FGF13: variants seen among roughly 807,000 people sequenced by gnomAD.
The protein encoded by FGF13 is fibroblast growth factor homologous factor 2.
FGF13 carries 2 observed loss-of-function variants against 19.5 expected under a neutral mutation model. That is an observed-to-expected ratio of 0.10 (90% CI 0.04 to 0.32). The LOEUF is 0.32. Ranked by LOEUF, FGF13 falls within the 10% of genes least tolerant of loss-of-function variation. The pLI, the probability that FGF13 is intolerant of heterozygous loss-of-function variation, is 1.00. For synonymous variants in FGF13, 72 were observed against 76.9 expected (o/e 0.94, Z 0.33); for missense variants, 113 against 192.7 (o/e 0.59, Z 2.45).
chrX:138,994,477 T>C (rs2092032904), intron 1 of FGF13, among the ~76,000 whole-genome samples: 1 of 111,936 alleles, frequency 8.9e-6, no homozygotes, highest in Admixed American at 9.5e-5. Flanking sequence ...GTAGACTTAA[T>C]TTCAAATTTA....
At position 138,772,016 on chromosome X, in the gene FGF13, GTGTATATATATATATATATA is replaced by G. The variant is rs1256823153; in HGVS notation, c.218-63108_218-63089del. 4.0e-4 allele frequency among the ~76,000 whole-genome samples: 14 copies of G among 34,977 alleles called. No individual in the cohort carries two copies. In the East Asian group the frequency reaches 0.014, roughly 35 times the overall value. 30.4% of individuals were successfully genotyped at this position (34,977 alleles called of 115,157 possible). On this transcript the variant is annotated intron_variant, in intron 3 of 6. Coordinates refer to the FGF13 transcript ENST00000436198. ...TAAAAGCAAATATTAAGATACATAT[GTGTATATATATATATATATA>G]TATATATATATATATATATATAGTA...
chrX:138,901,362 C>T (rs935063480), intron 1 of FGF13, among the ~76,000 whole-genome samples: 1 of 111,619 alleles, frequency 9.0e-6, no homozygotes, highest in Non-Finnish European at 1.9e-5. Flanking sequence ...AGTTCTGTCA[C>T]AGACCCTAAG....
chrX:138,948,550 T>G (rs1428867309), intron 1 of FGF13, among the ~76,000 whole-genome samples: 2 of 111,973 alleles, frequency 1.8e-5, no homozygotes, highest in Non-Finnish European at 3.8e-5. Context: ...TATAAGCATG[T>G]TCCAGTGTCA....
chrX:138,854,097 G>C (rs1442102443), downstream of FGF13, among the ~76,000 whole-genome samples: 2 of 111,641 alleles, frequency 1.8e-5, no homozygotes, highest in African/African-American at 3.3e-5. Flanking sequence ...AAAGATTTTG[G>C]TAATGATCTC....
At chrX:138,977,488 A>T (rs2091944245) in intron 1 of FGF13, among the ~76,000 whole-genome samples, 1 of 112,499 alleles carries the variant, frequency 8.9e-6, no homozygotes, top group African/African-American at 3.2e-5. Flanking sequence ...TAATGTGGGA[A>T]AAGGTTTCTT....
At chrX:138,867,394 G>A (rs1206818441) in intron 1 of FGF13, among the ~76,000 whole-genome samples, 3 of 111,018 alleles carry the variant, frequency 2.7e-5, no homozygotes, top group Non-Finnish European at 5.7e-5. Context: ...ACTCAAACCT[G>A]GGTGACAAAG....
At position 138,711,301 on chromosome X, in the gene FGF13, T is replaced by C; in HGVS notation, c.-298A>G. 1.1e-6 allele frequency: 1 copy of C among 904,554 alleles called. No individual in the cohort carries two copies. Among genetic ancestry groups the C allele is most frequent in the Non-Finnish European group, 1.4e-6 (1 of 735,931 alleles). 74.5% of individuals were successfully genotyped at this position (904,554 alleles called of 1,213,427 possible). ...CGAGACTGGCACGCGGATGCTGAAC[T>C]GCGCGACTGCGTGTGGTCGGCCCCT... On this transcript the variant is annotated 5_prime_UTR_variant, in exon 1 of 5. Coordinates refer to ENST00000315930, the MANE Select transcript of FGF13 (RefSeq NM_004114.5).
chrX:138,881,052 C>T (rs905913845), intron 1 of FGF13, among the ~76,000 whole-genome samples: 2 of 111,849 alleles, frequency 1.8e-5, no homozygotes, highest in Non-Finnish European at 3.8e-5. Context: ...TCTTTCTATT[C>T]ATGAACACAG....
At chrX:139,047,232 C>T (rs1432881017) in intron 1 of FGF13, among the ~76,000 whole-genome samples, 1 of 112,092 alleles carries the variant, frequency 8.9e-6, no homozygotes, top group Admixed American at 9.4e-5. Context: ...ATTCATCTAA[C>T]TATGCCACCA....
At chrX:139,181,260 G>A (rs973412910) in intron 1 of FGF13, among the ~76,000 whole-genome samples, 3 of 112,085 alleles carry the variant, frequency 2.7e-5, no homozygotes, top group African/African-American at 9.7e-5. Context: ...TCACAAAAGG[G>A]GTAACACAGG....
In FGF13 at chrX:138,984,693, G is replaced by GA. The variant is rs2091985947; in HGVS notation, c.-112-120044dup. ...GAAGGTGAAGGAGAAGAAGAAGGAG[G>GA]AGAAGAAGAAGAAGAGAAGGAGGAG... On this transcript the variant is annotated intron_variant, in intron 1 of 2. Coordinates refer to the FGF13 transcript ENST00000421460. 7.0e-5 allele frequency among the ~76,000 whole-genome samples: 5 copies of GA among 71,790 alleles called. 1 individual carries two copies. Among genetic ancestry groups the GA allele is most frequent in the African/African-American group, 1.7e-4 (3 of 17,858 alleles). The allele number at this position is 71,790 out of a possible 115,157, so 62.3% of individuals were successfully genotyped here.
chrX:138,893,117 T>C (rs907922195), intron 1 of FGF13, among the ~76,000 whole-genome samples: 4 of 111,019 alleles, frequency 3.6e-5, no homozygotes, highest in African/African-American at 9.9e-5. Flanking sequence ...AGGGGACAAT[T>C]AAGAGACTCC....
chrX:139,052,511 A>G (rs987079982), intron 1 of FGF13, among the ~76,000 whole-genome samples: 6 of 112,095 alleles, frequency 5.4e-5, no homozygotes, highest in African/African-American at 1.9e-4. Context: ...GATGCATAAC[A>G]ATTTCCCATT....
At chrX:138,933,994 T>C (rs761549166) in intron 1 of FGF13, among the ~76,000 whole-genome samples, 14 of 112,482 alleles carry the variant, frequency 1.2e-4, no homozygotes, top group African/African-American at 3.2e-4. Flanking sequence ...TTCTATGTCT[T>C]ACTAACCAAT....
chrX:139,161,395 T>C (rs2084032154), intron 1 of FGF13, among the ~76,000 whole-genome samples: 1 of 111,644 alleles, frequency 9.0e-6, no homozygotes, highest in Non-Finnish European at 1.9e-5. Flanking sequence ...TCATAATGAA[T>C]GGGCAAAAGC....
chrX:139,003,022 T>A (rs1238827162), intron 1 of FGF13, among the ~76,000 whole-genome samples: 1 of 112,453 alleles, frequency 8.9e-6, no homozygotes, highest in African/African-American at 3.2e-5. Context: ...AGGGACTTTG[T>A]CTTGCACTTT....
rs1021084789 is a variant in FGF13 at position 138,955,426 on chromosome X, C to T, written c.-112-90776G>A. Among the ~76,000 whole-genome samples, 9 of 111,921 alleles carry T rather than the reference C, an allele frequency of 8.0e-5. No homozygotes were observed. The East Asian group carries it at 8.5e-4, about 11-fold the overall frequency. On this transcript the variant is annotated intron_variant, in intron 1 of 2. Transcript: ENST00000421460. Reference sequence around the variant, plus strand: ...TGATGAAGATAGGCAAAATAGCAAACGTTTGGTAGTCTCTCTTTTAGTCCT... The same window carrying T: ...TGATGAAGATAGGCAAAATAGCAAATGTTTGGTAGTCTCTCTTTTAGTCCT...
At chrX:138,669,947 G>T (rs1460360476) in intron 3 of FGF13, among the ~76,000 whole-genome samples, 1 of 111,426 alleles carries the variant, frequency 9.0e-6, no homozygotes, top group Non-Finnish European at 1.9e-5. Context: ...TGAGTGGGTG[G>T]GAAGTTCTAC....
At chrX:138,811,840 C>G (rs983340533) in intron 3 of FGF13, among the ~76,000 whole-genome samples, 1 of 110,780 alleles carries the variant, frequency 9.0e-6, no homozygotes, top group African/African-American at 3.3e-5. Context: ...ATCACAAAAA[C>G]TAAACTTTAC....
Sources: gnomAD v4.1 joint callset for allele counts (sites outside exome capture counted in the v4.1 genomes callset) on GRCh38, gnomAD v4.1.1 for gene constraint, MANE v1.5 for transcripts, NCBI Gene and HGNC (gene_info 2026-07-23, HGNC 2026-07-21) for gene names.